SLC9B2: variants seen among roughly 807,000 people sequenced by gnomAD.
SLC9B2 encodes sodium/hydrogen exchanger 9B2.
A neutral mutation model predicts 52.2 loss-of-function variants in SLC9B2; 39 were observed. The observed-to-expected ratio is 0.75, with a 90% CI of 0.58 to 0.98. SLC9B2 has a LOEUF of 0.98. Among genes scored for constraint, SLC9B2 ranks in the 50% least tolerant of loss-of-function variants. The pLI, the probability that SLC9B2 is intolerant of heterozygous loss-of-function variation, is 0.00. For missense variants in SLC9B2, 626 were observed against 637.5 expected, an observed-to-expected ratio of 0.98 and a Z score of 0.19; for synonymous variants, 214 against 227.0, an observed-to-expected ratio of 0.94 and a Z score of 0.51.
At chr4:103,050,822 A>C (rs1744611647) in intron 4 of SLC9B2, among the ~76,000 whole-genome samples, 2 of 152,240 alleles carry the variant, frequency 1.3e-5, no homozygotes, top group African/African-American at 2.4e-5. Flanking sequence ...CATAAGAGAC[A>C]GATAATCTAC....
intron 1 of SLC9B2, among the ~76,000 whole-genome samples, chr4:103,069,721 C>A (rs185083913): frequency 6.6e-6 from 1 of 152,322 alleles, no homozygotes; most frequent in African/African-American, 2.4e-5. Context: ...ACATTCATTT[C>A]TTCACCCTTC....
Position 103,062,268 on chromosome 4 carries a change from A to T in SLC9B2, c.271+4059T>A, listed in dbSNP as rs549249515. On this transcript the variant is annotated intron_variant, in intron 3 of 11. Transcript: ENST00000394785. ...AAACCCCGTCTCTACTAAATACAAAAATTAGCCGGGCATGGTGGCACGTGC... is the reference window on the plus strand; with the variant it reads ...AAACCCCGTCTCTACTAAATACAAATATTAGCCGGGCATGGTGGCACGTGC... Among the ~76,000 whole-genome samples, 92 of 152,168 alleles carry T rather than the reference A, an allele frequency of 6.0e-4. 1 individual carries two copies. The highest frequency in any genetic ancestry group is 2.1e-3 in the African/African-American group (89 of 41,506).
At chr4:103,072,076 T>TTTTTTTTTTTTTA (rs1746699741) in intron 1 of SLC9B2, among the ~76,000 whole-genome samples, 3 of 148,568 alleles carry the variant, frequency 2.0e-5, no homozygotes, top group Admixed American at 6.7e-5. Flanking sequence ...TTTTTTTTTT[T>TTTTTTTTTTTTTA]GAGGTGGAGT....
downstream of SLC9B2, chr4:103,019,549 A>T: frequency 1.0e-6 from 1 of 982,390 alleles, no homozygotes; most frequent in South Asian, 4.7e-5. Context: ...CAGACCCGGG[A>T]CTAGCGCCAA....
chr4:103,031,632 G>T, intron 10 of SLC9B2, 68 bp downstream of exon 10: 2 of 1,113,582 alleles, frequency 1.8e-6, no homozygotes, highest in South Asian at 2.7e-5. Context: ...ATAAAAAGTA[G>T]ACTTTATTGG....
Position 103,076,563 on chromosome 4 carries a change from TC to T in SLC9B2, c.-423del. ...CGTGCGATGCCTGGTGCGCGTGGCT[TC>T]CCCCGGAAAGGTGGCGCCAGGCCGA... is the stretch of plus-strand genomic sequence containing the variant. On this transcript the variant is annotated 5_prime_UTR_variant, in exon 1 of 12. The change creates a premature stop within an existing upstream ORF in the 5' untranslated region. Coordinates refer to ENST00000394785, the MANE Select transcript of SLC9B2 (RefSeq NM_178833.7). The T allele has an allele frequency of 6.6e-6, 1 of 152,222 alleles. No individual in the cohort carries two copies. The highest frequency in any genetic ancestry group is 1.5e-5 in the Non-Finnish European group (1 of 68,024). The allele number at this position is 152,222 out of a possible 1,614,324, so 9.4% of individuals were successfully genotyped here.
intron 7 of SLC9B2, among the ~76,000 whole-genome samples, chr4:103,045,521 T>TA (rs11291655): frequency 0.034 from 4,762 of 142,108 alleles, 117 homozygotes; most frequent in South Asian, 0.15. Context: ...TTGAGGTGAT[T>TA]AAAAAAAAAA....
intron 6 of SLC9B2, among the ~76,000 whole-genome samples, chr4:103,048,250 T>C (rs889511204): frequency 1.3e-5 from 2 of 152,126 alleles, no homozygotes; most frequent in Non-Finnish European, 2.9e-5. Context: ...AACAACCCTA[T>C]AAAATAGACA....
chr4:103,064,641 G>A (rs1370778432), intron 3 of SLC9B2, among the ~76,000 whole-genome samples: 1 of 152,086 alleles, frequency 6.6e-6, no homozygotes, highest in Non-Finnish European at 1.5e-5. Flanking sequence ...GATTTTCTAT[G>A]TTCTCACCAT....
chr4:103,062,683 C>T (rs113003780), intron 3 of SLC9B2, among the ~76,000 whole-genome samples: 4 of 152,234 alleles, frequency 2.6e-5, no homozygotes, highest in African/African-American at 4.8e-5. Flanking sequence ...TGCAATGGCA[C>T]GATCTCAACC....
intron 9 of SLC9B2, among the ~76,000 whole-genome samples, chr4:103,034,944 G>T (rs1424569015): frequency 6.6e-6 from 1 of 152,048 alleles, no homozygotes; most frequent in Non-Finnish European, 1.5e-5. Context: ...AATGTCAAAT[G>T]AAACATAATT....
At chr4:103,054,246 C>T (rs574535356) in intron 4 of SLC9B2, among the ~76,000 whole-genome samples, 31 of 152,254 alleles carry the variant, frequency 2.0e-4, no homozygotes, top group Non-Finnish European at 2.2e-4. Context: ...TGCAACTGCG[C>T]TCCACCCTGG....
At position 103,023,350 on chromosome 4, in the gene SLC9B2, T is replaced by C. The variant is rs1741939997; in HGVS notation, c.*3020A>G. On this transcript the variant is annotated 3_prime_UTR_variant, in exon 12 of 12. Coordinates refer to ENST00000394785, the MANE Select transcript of SLC9B2 (RefSeq NM_178833.7). Reference sequence around the variant, plus strand: ...TGTTACATGTGCTCTGACATAAGTATGTATAAGGGACCCAAAAGTTAGAGT... The same window carrying C: ...TGTTACATGTGCTCTGACATAAGTACGTATAAGGGACCCAAAAGTTAGAGT... Among the ~76,000 whole-genome samples the C allele has an allele frequency of 6.6e-6, 1 of 152,202 alleles. No individual in the cohort carries two copies. Among genetic ancestry groups the C allele is most frequent in the Non-Finnish European group, 1.5e-5 (1 of 68,036 alleles).
chr4:103,072,056 G>GTTTTTTTGTTTTTTTTTTTTT (rs1746689498), intron 1 of SLC9B2, among the ~76,000 whole-genome samples: 1 of 95,306 alleles, frequency 1.0e-5, no homozygotes, highest in African/African-American at 4.6e-5. Flanking sequence ...TGGCTTTCAT[G>GTTTTTTTGTTTTTTTTTTTTT]TTTTTTTTTT....
rs1336908910 is a variant in SLC9B2, at chr4:103,047,322, C to A, written c.714-96G>T. 6 of 949,048 alleles carry A rather than the reference C, an allele frequency of 6.3e-6. No individual in the cohort carries two copies. In the South Asian group the frequency reaches 8.6e-5, roughly 14 times the overall value. The allele number at this position is 949,048 out of a possible 1,614,324, so 58.8% of individuals were successfully genotyped here. On this transcript the variant is annotated intron_variant, in intron 6 of 11. Transcript: ENST00000394785. ...CCACTTTTTAGGGGTTATACTTGGACAACAACAGTCTTTCTTTTTTTTTTT... is the reference window on the plus strand; with the variant it reads ...CCACTTTTTAGGGGTTATACTTGGAAAACAACAGTCTTTCTTTTTTTTTTT...
intron 9 of SLC9B2, among the ~76,000 whole-genome samples, chr4:103,032,469 A>AGCTGG (rs2110579903): frequency 6.6e-6 from 1 of 150,998 alleles, no homozygotes; most frequent in South Asian, 2.1e-4. Context: ...CAGAAAATGG[A>AGCTGG]GCTGGGCCTT....
At position 103,026,217 on chromosome 4, in the gene SLC9B2, T is replaced by C; in HGVS notation, c.*153A>G. ...GTGATATAGATCATTACCACCCACATGGAAAGAGCAAGGGCTAAAAATGCT... is the reference window on the plus strand; with the variant it reads ...GTGATATAGATCATTACCACCCACACGGAAAGAGCAAGGGCTAAAAATGCT... On this transcript the variant is annotated 3_prime_UTR_variant, in exon 12 of 12. Transcript: ENST00000394785. 2 of 656,272 alleles carry C rather than the reference T, an allele frequency of 3.0e-6. No individual in the cohort carries two copies. Among genetic ancestry groups the C allele is most frequent in the Non-Finnish European group, 5.1e-6 (2 of 394,698 alleles). 40.7% of individuals were successfully genotyped at this position (656,272 alleles called of 1,614,324 possible).
Position 103,031,735 on chromosome 4 carries a change from T to C in SLC9B2, c.1220A>G (p.Glu407Gly), listed in dbSNP as rs746676532. 5.6e-6 allele frequency: 9 copies of C among 1,612,854 alleles called. No individual in the cohort carries two copies. Among genetic ancestry groups the C allele is most frequent in the Non-Finnish European group, 6.8e-6 (8 of 1,179,224 alleles). ...QPLLFGLIGA[E>G]VSIASLRPET... Reference sequence around the variant, plus strand: ...TGGTCTGAGAGATGCAATAGATACCTCTGCTCCAATTAGTCCAAAAAGAAG... The same window carrying C: ...TGGTCTGAGAGATGCAATAGATACCCCTGCTCCAATTAGTCCAAAAAGAAG... Residue 407 changes from glutamate (E) to glycine (G), a missense_variant, in exon 10 of 12, where the codon GAG becomes GGG. Transcript: ENST00000394785.
At chr4:103,072,056 G>GTTTT (rs779979130) in intron 1 of SLC9B2, among the ~76,000 whole-genome samples, 16 of 95,322 alleles carry the variant, frequency 1.7e-4, no homozygotes, top group Admixed American at 3.9e-4. Flanking sequence ...TGGCTTTCAT[G>GTTTT]TTTTTTTTTT....
Sources: gnomAD v4.1 joint callset for allele counts (sites outside exome capture counted in the v4.1 genomes callset) on GRCh38, gnomAD v4.1.1 for gene constraint, MANE v1.5 for transcripts, NCBI Gene and HGNC (gene_info 2026-07-23, HGNC 2026-07-21) for gene names.